Variants in HNRNPM observed in about 807,000 individuals in gnomAD.
HNRNPM encodes CEA receptor.
A neutral mutation model predicts 73.1 loss-of-function variants in HNRNPM; 11 were observed. That is an observed-to-expected ratio of 0.15 (90% CI 0.09 to 0.25). HNRNPM has a LOEUF of 0.25. Ranked by LOEUF, HNRNPM falls within the 10% of genes least tolerant of loss-of-function variation. HNRNPM has a pLI of 1.00. For missense variants in HNRNPM, 789 were observed against 1,067.9 expected (o/e 0.74, Z 3.64); for synonymous variants, 407 against 355.2 (o/e 1.15, Z -1.64).
chr19:8,485,327 G>C (rs1971199285), intron 13 of HNRNPM, among the ~76,000 whole-genome samples: 3 of 152,182 alleles, frequency 2.0e-5, no homozygotes, highest in African/African-American at 7.2e-5. Flanking sequence ...GCTTGTCACA[G>C]ACACTAGCAC....
At chr19:8,482,942 TCTG>T in intron 12 of HNRNPM, 1 of 536,230 alleles carries the variant, frequency 1.9e-6, no homozygotes, top group Non-Finnish European at 3.3e-6. Flanking sequence ...GGCCTCAGAC[TCTG>T]GAGCTACGTG....
In HNRNPM at chr19:8,471,387, C is replaced by T. The variant is rs1970125529; in HGVS notation, c.957C>T (p.His319=). The change falls in exon 10 of 16, where the codon CAC becomes CAT. Residue 319 remains histidine (H), a synonymous_variant. Transcript: ENST00000325495. The part of the protein sequence containing the change: ...GPGGQPIDAN[H]LNKGIGMGNI... ...GAGGGCAACCCATTGATGCCAATCA[C>T]CTGAATAAAGGCATCGGAATGGGAA... The T allele has an allele frequency of 1.2e-6, 2 of 1,608,180 alleles. No individual in the cohort carries two copies. The highest frequency in any genetic ancestry group is 1.7e-6 in the Non-Finnish European group (2 of 1,177,202).
chr19:8,483,324 G>T, intron 13 of HNRNPM, 113 bp downstream of exon 13: 2 of 772,510 alleles, frequency 2.6e-6, no homozygotes, highest in Non-Finnish European at 4.5e-6. Flanking sequence ...CCCGGGGTGG[G>T]AGCAGCTCTG....
intron 2 of HNRNPM, among the ~76,000 whole-genome samples, chr19:8,458,685 C>T (rs1259205885): frequency 3.3e-5 from 5 of 152,214 alleles, no homozygotes; most frequent in Non-Finnish European, 5.9e-5. Context: ...CTTGTGTAAG[C>T]AAAGATTTCT....
chr19:8,462,119 C>T lies in HNRNPM; in HGVS notation c.284-410C>T, dbSNP rs1213208883. On this transcript the variant is annotated intron_variant, in intron 2 of 15. Transcript: ENST00000325495. This position sits in a 1 kb window ranked among gnomAD's most constrained non-coding sequence, Gnocchi z 4.5. ...TGTATTTATAGCATGTGAGCTCAGCCCGATGGCATCGCAATTTGTATGCAT... is the reference window on the plus strand; with the variant it reads ...TGTATTTATAGCATGTGAGCTCAGCTCGATGGCATCGCAATTTGTATGCAT... The T allele has an allele frequency of 1.0e-5, 2 of 197,024 alleles. No individual in the cohort carries two copies. Among genetic ancestry groups the T allele is most frequent in the East Asian group, 2.4e-4 (2 of 8,494 alleles). 12.2% of individuals were successfully genotyped at this position (197,024 alleles called of 1,614,324 possible). A position where few individuals can be genotyped will look rare whatever the true frequency, so the allele number is the denominator to read the frequency against.
chr19:8,469,863 G>A (rs897241926), intron 9 of HNRNPM, among the ~76,000 whole-genome samples: 3 of 152,224 alleles, frequency 2.0e-5, no homozygotes, highest in Admixed American at 1.3e-4. Context: ...GCCCAGGCCA[G>A]AGCACCTTTG....
At chr19:8,464,075 T>C (rs183652692) in intron 5 of HNRNPM, among the ~76,000 whole-genome samples, 1 of 152,096 alleles carries the variant, frequency 6.6e-6, no homozygotes, top group East Asian at 1.9e-4. Flanking sequence ...TGAAACCCCC[T>C]CTCTACAAAA....
chr19:8,459,930 T>C (rs1185864749), intron 2 of HNRNPM, among the ~76,000 whole-genome samples: 1 of 152,214 alleles, frequency 6.6e-6, no homozygotes, highest in Non-Finnish European at 1.5e-5. Flanking sequence ...TTTCAATATT[T>C]TGATGTTTTA....
In HNRNPM at chr19:8,462,376, G is replaced by A; in HGVS notation, c.284-153G>A. ...CCTACTTTTACTGCACACCTGTAAT[G>A]CCTAGTTCGGTGGTTTAGAGAATAT... On this transcript the variant is annotated intron_variant, in intron 2 of 15. Transcript: ENST00000325495. The surrounding 1 kb of genome is among the most constrained non-coding windows in gnomAD (Gnocchi z 4.5). 1.4e-6 allele frequency: 1 copy of A among 690,014 alleles called. No homozygotes were observed. Among genetic ancestry groups the A allele is most frequent in the Non-Finnish European group, 2.6e-6 (1 of 377,678 alleles). 42.7% of individuals were successfully genotyped at this position (690,014 alleles called of 1,614,324 possible).
Position 8,462,640 on chromosome 19 carries a change from G to A in HNRNPM, c.336+59G>A. ...ACTACATGAAAAATGTAACTGTATG[G>A]TGGCGTGGAATCGAATGAAATCAGG... On this transcript the variant is annotated intron_variant, in intron 3 of 15. Coordinates refer to ENST00000325495, the MANE Select transcript of HNRNPM (RefSeq NM_005968.5). The surrounding 1 kb of genome is among the most constrained non-coding windows in gnomAD (Gnocchi z 4.5). 1.5e-6 allele frequency: 2 copies of A among 1,358,062 alleles called. No homozygotes were observed. Among genetic ancestry groups the A allele is most frequent in the Non-Finnish European group, 2.1e-6 (2 of 946,280 alleles). The allele number at this position is 1,358,062 out of a possible 1,614,324, so 84.1% of individuals were successfully genotyped here. A position where few individuals can be genotyped will look rare whatever the true frequency, so the allele number is the denominator to read the frequency against.
intron 2 of HNRNPM, among the ~76,000 whole-genome samples, chr19:8,455,841 T>C (rs1468823911): frequency 1.3e-5 from 2 of 151,824 alleles, no homozygotes; most frequent in Non-Finnish European, 2.9e-5. Flanking sequence ...TTTTACTGGC[T>C]TAGTATGGTT....
chr19:8,466,157 G>A, intron 6 of HNRNPM, 78 bp from the exon 7 acceptor site: 1 of 1,361,532 alleles, frequency 7.3e-7, no homozygotes, highest in Non-Finnish European at 1.0e-6. Context: ...ACCAAAGCAT[G>A]TATCATTCAT....
intron 12 of HNRNPM, among the ~76,000 whole-genome samples, chr19:8,482,062 T>G (rs1970959440): frequency 6.9e-6 from 1 of 145,022 alleles, no homozygotes; most frequent in African/African-American, 2.5e-5. Context: ...AACCTCTGCC[T>G]CCAGGGTTCA....
intron 10 of HNRNPM, among the ~76,000 whole-genome samples, chr19:8,471,911 G>T (rs1212230391): frequency 6.6e-6 from 1 of 152,176 alleles, no homozygotes; most frequent in Non-Finnish European, 1.5e-5. Context: ...GGTGGCTCAC[G>T]CCTGTAATCC....
In HNRNPM at chr19:8,486,094, G is replaced by C; in HGVS notation, c.1666G>C (p.Glu556Gln). The stretch of plus-strand genomic sequence containing the variant: ...GATGGATCGCATGGCCACCGGCCTG[G>C]AGCGCATGGGCGCCAACAATCTGGA... ...PVMDRMATGL[E>Q]RMGANNLERM... The change falls in exon 14 of 16, where the codon GAG (glutamate) becomes CAG (glutamine). Residue 556 changes from glutamate (E) to glutamine (Q), a missense_variant. Around this residue, in one of 4 missense-constraint regions of HNRNPM, gnomAD observed 604 missense variants for 744.0 expected, o/e 0.81. Coordinates refer to ENST00000325495, the MANE Select transcript of HNRNPM (RefSeq NM_005968.5). 6.2e-7 allele frequency: 1 copy of C among 1,606,186 alleles called. No homozygotes were observed. Among genetic ancestry groups the C allele is most frequent in the Non-Finnish European group, 8.5e-7 (1 of 1,179,492 alleles).
At chr19:8,450,981 A>G (rs1320563827) in intron 1 of HNRNPM, among the ~76,000 whole-genome samples, 1 of 152,040 alleles carries the variant, frequency 6.6e-6, no homozygotes, top group East Asian at 1.9e-4. Flanking sequence ...ATCTCGGCTC[A>G]CTGCAACCCC....
chr19:8,461,888 A>G (rs1466890770), intron 2 of HNRNPM: 1 of 152,492 alleles, frequency 6.6e-6, no homozygotes, highest in African/African-American at 2.4e-5. Flanking sequence ...CAGCTATAGA[A>G]TTTGTGGGGC....
chr19:8,476,209 C>T (rs1407917573), intron 12 of HNRNPM, among the ~76,000 whole-genome samples: 2 of 152,130 alleles, frequency 1.3e-5, no homozygotes, highest in Non-Finnish European at 2.9e-5. Flanking sequence ...ACTCGGAGTG[C>T]TCCCCACACC....
At chr19:8,467,675 T>G in intron 8 of HNRNPM, 91 bp downstream of exon 8, 1 of 965,456 alleles carries the variant, frequency 1.0e-6, no homozygotes, top group Admixed American at 1.8e-5. Context: ...TATGAAATAT[T>G]TGTGGATTAG....
Sources: gnomAD v4.1 joint callset for allele counts (sites outside exome capture counted in the v4.1 genomes callset) on GRCh38, gnomAD v4.1.1 for gene constraint, gnomAD v4.1.1 regional missense constraint, Gnocchi (gnomAD v3.1) non-coding constraint, MANE v1.5 for transcripts, NCBI Gene and HGNC (gene_info 2026-07-23, HGNC 2026-07-21) for gene names.